MARCHF1: variants seen among roughly 807,000 people sequenced by gnomAD.
The protein encoded by MARCHF1 is E3 ubiquitin-protein ligase MARCHF1.
Under a neutral mutation model 54.2 loss-of-function variants are expected in MARCHF1, and 40 were observed. That is an observed-to-expected ratio of 0.74 (90% CI 0.57 to 0.96). MARCHF1 has a LOEUF of 0.96. Ranked by LOEUF, MARCHF1 falls within the 40% of genes least tolerant of loss-of-function variation. The pLI is 0.00. For missense variants in MARCHF1, 586 were observed against 656.5 expected (o/e 0.89, Z 1.17); for synonymous variants, 236 against 236.3 (o/e 1.00, Z 0.01).
chr4:163,872,867 A>G (rs1222681909), intron 3 of MARCHF1, among the ~76,000 whole-genome samples: 1 of 150,976 alleles, frequency 6.6e-6, no homozygotes. Context: ...ACACAGTGAA[A>G]CCCCGCCTCT....
In MARCHF1 at chr4:163,528,874, C is replaced by T; in HGVS notation, c.1512G>A (p.Leu504=). ...VQNCPDTAKK[L]EKNFSCNVNT... ...TTACATTACATGAGAAGTTCTTCTC[C>T]AGTTTTTTGGCAGTGTCTGGGCAAT... Residue 504 remains leucine, a synonymous_variant, in exon 10 of 10, where the codon CTG becomes CTA. Transcript: ENST00000514618. 6.2e-7 allele frequency: 1 copy of T among 1,613,282 alleles called. No homozygotes were observed. The highest frequency in any genetic ancestry group is 8.5e-7 in the Non-Finnish European group (1 of 1,179,552).
At chr4:163,921,330 T>C (rs373584823) in intron 3 of MARCHF1, among the ~76,000 whole-genome samples, 2 of 152,124 alleles carry the variant, frequency 1.3e-5, no homozygotes, top group Admixed American at 6.5e-5. Flanking sequence ...CAGGATATCA[T>C]ACTTCGATTT....
chr4:163,695,826 A>G (rs1439460531), intron 5 of MARCHF1, among the ~76,000 whole-genome samples: 3 of 152,178 alleles, frequency 2.0e-5, no homozygotes, highest in Admixed American at 6.6e-5. Context: ...CCTTTACCCT[A>G]GAAGAAATAA....
At chr4:164,351,878 A>C (rs1730350541) in intron 1 of MARCHF1, among the ~76,000 whole-genome samples, 1 of 151,476 alleles carries the variant, frequency 6.6e-6, no homozygotes, top group Non-Finnish European at 1.5e-5. Flanking sequence ...ATTTAGAAGA[A>C]TGTATAACTA....
intron 4 of MARCHF1, among the ~76,000 whole-genome samples, chr4:163,816,447 A>C (rs557393309): frequency 1.2e-4 from 18 of 152,024 alleles, no homozygotes; most frequent in Admixed American, 6.6e-4. Context: ...TACAAGGGGA[A>C]TCTCTCTTAA....
At chr4:163,854,518 G>C (rs1244136577) in intron 3 of MARCHF1, among the ~76,000 whole-genome samples, 1 of 152,070 alleles carries the variant, frequency 6.6e-6, no homozygotes, top group East Asian at 1.9e-4. Flanking sequence ...AATAGACCTG[G>C]TTCCTGATAA....
chr4:164,331,543 C>T (rs1561005310), intron 1 of MARCHF1, among the ~76,000 whole-genome samples: 1 of 152,100 alleles, frequency 6.6e-6, no homozygotes, highest in Non-Finnish European at 1.5e-5. Flanking sequence ...TAATATAAGG[C>T]TATTAAAATG....
chr4:163,761,513 T>C (rs903774669), intron 4 of MARCHF1, among the ~76,000 whole-genome samples: 2 of 117,988 alleles, frequency 1.7e-5, no homozygotes, highest in Admixed American at 9.0e-5. Flanking sequence ...TAATTGAATA[T>C]TAAGTGGAAG....
At chr4:163,625,484 T>C (rs1741837093) in intron 5 of MARCHF1, among the ~76,000 whole-genome samples, 1 of 152,224 alleles carries the variant, frequency 6.6e-6, no homozygotes, top group South Asian at 2.1e-4. Flanking sequence ...AGTGTGGTAA[T>C]AGTAGAATTG....
chr4:163,929,725 C>A (rs991876040), intron 3 of MARCHF1, among the ~76,000 whole-genome samples: 1 of 150,504 alleles, frequency 6.6e-6, no homozygotes, highest in Non-Finnish European at 1.5e-5. Context: ...GTAGAAATAA[C>A]CATCTACTCC....
chr4:163,758,305 C>G (rs1436685407), intron 4 of MARCHF1, among the ~76,000 whole-genome samples: 1 of 152,068 alleles, frequency 6.6e-6, no homozygotes, highest in Non-Finnish European at 1.5e-5. Flanking sequence ...GGGCTGGAGA[C>G]ACAGTGATTT....
intron 1 of MARCHF1, among the ~76,000 whole-genome samples, chr4:164,218,144 GA>G (rs1007492430): frequency 6.6e-5 from 10 of 152,092 alleles, no homozygotes; most frequent in African/African-American, 2.4e-4. Context: ...GAGGAGGTCA[GA>G]AACAGGGAAA....
At chr4:164,071,847 C>T (rs1444528031) in intron 2 of MARCHF1, among the ~76,000 whole-genome samples, 1 of 152,152 alleles carries the variant, frequency 6.6e-6, no homozygotes, top group Non-Finnish European at 1.5e-5. Context: ...CACCATGGCA[C>T]ATATATGAAA....
chr4:164,247,533 A>G (rs1560972749), intron 1 of MARCHF1, among the ~76,000 whole-genome samples: 2 of 150,878 alleles, frequency 1.3e-5, no homozygotes, highest in Admixed American at 6.6e-5. Flanking sequence ...GGTGCAGTGC[A>G]CCAGCATGGC....
At chr4:163,813,664 T>C (rs946551059) in intron 4 of MARCHF1, among the ~76,000 whole-genome samples, 1 of 152,160 alleles carries the variant, frequency 6.6e-6, no homozygotes, top group Non-Finnish European at 1.5e-5. Context: ...CTGTCAAAAA[T>C]AAAACTATAA....
chr4:164,002,579 C>G (rs945541995), intron 2 of MARCHF1, among the ~76,000 whole-genome samples: 1 of 150,718 alleles, frequency 6.6e-6, no homozygotes, highest in East Asian at 1.9e-4. Context: ...AAAATCAAGA[C>G]GTTAAACACA....
At chr4:164,382,007 C>T (rs1354235231) in intron 1 of MARCHF1, among the ~76,000 whole-genome samples, 1 of 152,192 alleles carries the variant, frequency 6.6e-6, no homozygotes, top group African/African-American at 2.4e-5. Context: ...GGTCTCTCAA[C>T]ATAGCGTGAC....
chr4:163,712,340 T>C (rs543112049), intron 4 of MARCHF1, among the ~76,000 whole-genome samples: 8 of 152,270 alleles, frequency 5.3e-5, no homozygotes, highest in Non-Finnish European at 1.0e-4. Context: ...GGCTTTCTTA[T>C]GAAAAAATAA....
At chr4:163,717,251 G>GT (rs1243343848) in intron 4 of MARCHF1, among the ~76,000 whole-genome samples, 1 of 148,560 alleles carries the variant, frequency 6.7e-6, no homozygotes, top group African/African-American at 2.5e-5. Context: ...GCGGTGTTTG[G>GT]TTTTTTGTCC....
Sources: gnomAD v4.1 joint callset for allele counts (sites outside exome capture counted in the v4.1 genomes callset) on GRCh38, gnomAD v4.1.1 for gene constraint, MANE v1.5 for transcripts, NCBI Gene and HGNC (gene_info 2026-07-23, HGNC 2026-07-21) for gene names.